Variants in PI4KB observed in about 807,000 individuals in gnomAD.
PI4KB encodes PtdIns 4-kinase beta.
A neutral mutation model predicts 81.4 loss-of-function variants in PI4KB; 23 were observed. The observed-to-expected ratio is 0.28, with a 90% CI of 0.20 to 0.40. The LOEUF (loss-of-function observed/expected upper bound fraction) is 0.40. Among genes scored for constraint, PI4KB ranks in the 10% least tolerant of loss-of-function variants. The pLI, the probability that PI4KB is intolerant of heterozygous loss-of-function variation, is 1.00. For missense variants in PI4KB, 651 were observed against 1,036.6 expected, an observed-to-expected ratio of 0.63 and a Z score of 5.11; for synonymous variants, 381 against 406.8, an observed-to-expected ratio of 0.94 and a Z score of 0.76.
intron 1 of PI4KB, among the ~76,000 whole-genome samples, chr1:151,324,118 T>G (rs1649276106): frequency 6.6e-6 from 1 of 151,902 alleles, no homozygotes; most frequent in Non-Finnish European, 1.5e-5. Context: ...ACCTGGCTAA[T>G]TTTTGTATTT....
At position 151,292,948 on chromosome 1, in the gene PI4KB, C is replaced by G; in HGVS notation, c.2355G>C (p.Leu785=). 6.2e-7 allele frequency: 1 copy of G among 1,614,194 alleles called. No homozygotes were observed. Among genetic ancestry groups the G allele is most frequent in the South Asian group, 1.1e-5 (1 of 91,086 alleles). ...RFHMSMTEEQ[L]QLLVEQMVDG... ...CCACCATCTGCTCCACCAGCAGCTG[C>G]AGCTGCTCCTCAGTCATGCTCATGT... The change falls in exon 12 of 12, where the codon CTG becomes CTC. Residue 785 remains leucine, a synonymous_variant. Transcript: ENST00000368873.
chr1:151,292,604 G>C lies in PI4KB; in HGVS notation c.*248C>G, dbSNP rs962923953. 1 of 522,982 alleles carries C rather than the reference G, an allele frequency of 1.9e-6. No individual in the cohort carries two copies. Among genetic ancestry groups the C allele is most frequent in the East Asian group, 3.3e-5 (1 of 30,160 alleles). 32.4% of individuals were successfully genotyped at this position (522,982 alleles called of 1,614,324 possible). On this transcript the variant is annotated 3_prime_UTR_variant, in exon 12 of 12. Coordinates refer to ENST00000368873, the MANE Select transcript of PI4KB (RefSeq NM_001369623.2). ...TGGAGGGCAGTGAGTCCTGGAGTCA[G>C]TCTGGTGGTAATACTGACACAGACC...
chr1:151,308,484 T>C (rs1695967907), intron 3 of PI4KB, among the ~76,000 whole-genome samples: 1 of 152,184 alleles, frequency 6.6e-6, no homozygotes, highest in Non-Finnish European at 1.5e-5. Flanking sequence ...GGTAGGTAGA[T>C]GGAGAAAGCA....
chr1:151,304,685 T>G (rs1695600069), intron 5 of PI4KB, among the ~76,000 whole-genome samples: 1 of 148,396 alleles, frequency 6.7e-6, no homozygotes, highest in African/African-American at 2.5e-5. Flanking sequence ...AGACAGAGTC[T>G]CACTCTGTCA....
At chr1:151,302,410 G>T in intron 6 of PI4KB, 112 bp from the exon 7 acceptor site, 1 of 737,094 alleles carries the variant, frequency 1.4e-6, no homozygotes, top group Non-Finnish European at 2.4e-6. Context: ...CACAAAGATA[G>T]GAACCCAGGC....
At chr1:151,324,657 G>C (rs1453186728) in intron 1 of PI4KB, 9 of 499,096 alleles carry the variant, frequency 1.8e-5, no homozygotes, top group Non-Finnish European at 2.3e-5. Context: ...CATGGAGCTG[G>C]TATAAGCAGA....
In PI4KB at chr1:151,291,939, G is replaced by A. The variant is rs1387528084; in HGVS notation, c.*913C>T. 1.3e-5 allele frequency: 2 copies of A among 152,278 alleles called. No homozygotes were observed. The highest frequency in any genetic ancestry group is 2.9e-5 in the Non-Finnish European group (2 of 68,046). The allele number at this position is 152,278 out of a possible 1,614,324, so 9.4% of individuals were successfully genotyped here. On this transcript the variant is annotated 3_prime_UTR_variant, in exon 12 of 12. Transcript: ENST00000368873. ...TCTCTTTTTCTGTGACTTGGACAAT[G>A]TGGAGTTGAAGCGGGTGAGAGAACA...
intron 9 of PI4KB, among the ~76,000 whole-genome samples, chr1:151,295,320 T>A (rs1694694402): frequency 6.6e-6 from 1 of 152,202 alleles, no homozygotes; most frequent in Non-Finnish European, 1.5e-5. Flanking sequence ...GGCCACCTTC[T>A]CTGGGGTTGG....
At chr1:151,323,947 C>CA (rs1411720519) in intron 1 of PI4KB, among the ~76,000 whole-genome samples, 4 of 150,866 alleles carry the variant, frequency 2.7e-5, no homozygotes, top group African/African-American at 4.9e-5. Context: ...TGCATTCCTT[C>CA]AAAAAAAAAT....
In PI4KB at chr1:151,315,932, T is replaced by G. The variant is rs747147472; in HGVS notation, c.550A>C (p.Ile184Leu). 2 of 1,613,392 alleles carry G rather than the reference T, an allele frequency of 1.2e-6. No homozygotes were observed. Among genetic ancestry groups the G allele is most frequent in the Non-Finnish European group, 1.7e-6 (2 of 1,179,584 alleles). The change falls in exon 2 of 12, where the codon ATC (isoleucine) becomes CTC (leucine). Residue 184 changes from isoleucine (I) to leucine (L), a missense_variant. Coordinates refer to ENST00000368873, the MANE Select transcript of PI4KB (RefSeq NM_001369623.2). ...TCACCCACGTCCTCATCCATGTGGA[T>G]GTACATGTTAAGCAACTGGGGCAGA... ...FYLPQLLNMYIHMDEDVGDAI... is the reference protein window; with the variant it reads ...FYLPQLLNMYLHMDEDVGDAI...
chr1:151,304,216 G>A (rs983739928), intron 5 of PI4KB, among the ~76,000 whole-genome samples: 3 of 151,834 alleles, frequency 2.0e-5, no homozygotes, highest in African/African-American at 7.3e-5. Context: ...AACTCCATTT[G>A]TCACCTAGTA....
intron 9 of PI4KB, among the ~76,000 whole-genome samples, chr1:151,296,058 CA>C (rs1322362741): frequency 7.2e-5 from 11 of 152,148 alleles, no homozygotes; most frequent in Admixed American, 3.3e-4. Flanking sequence ...CCAGCCTGGC[CA>C]AGATGGTGAA....
intron 8 of PI4KB, among the ~76,000 whole-genome samples, chr1:151,300,382 G>A (rs907353650): frequency 1.3e-5 from 2 of 152,166 alleles, no homozygotes; most frequent in Non-Finnish European, 2.9e-5. Flanking sequence ...GGAGGTGGGC[G>A]GATCACCTGA....
chr1:151,322,926 A>C (rs1030002224), intron 1 of PI4KB, among the ~76,000 whole-genome samples: 2 of 152,122 alleles, frequency 1.3e-5, no homozygotes, highest in African/African-American at 2.4e-5. Context: ...GAGCCACCAC[A>C]ACTAGTCTCC....
intron 2 of PI4KB, 36 bp from the exon 3 acceptor site, chr1:151,310,291 G>T: frequency 7.7e-7 from 1 of 1,294,224 alleles, no homozygotes; most frequent in South Asian, 1.2e-5. Context: ...GAGAAGGAGG[G>T]GGTGGGAAGG....
rs573059953 is a variant in PI4KB, at chr1:151,299,044, A to G, written c.1779T>C (p.Leu593=). Residue 593 remains leucine (L), a synonymous_variant, in exon 9 of 12, where the codon CTT becomes CTC. Coordinates refer to ENST00000368873, the MANE Select transcript of PI4KB (RefSeq NM_001369623.2). ...CAAGAATCTTGTATGGCTTGATCCA[A>G]AGGGGCACTCGCTCCTGTTCCCAAA... ...QSIWEQERVP[L]WIKPYKILVI... is the part of the protein sequence containing the mutation. The G allele has an allele frequency of 6.2e-7, 1 of 1,614,084 alleles. No homozygotes were observed. Among genetic ancestry groups the G allele is most frequent in the Admixed American group, 1.7e-5 (1 of 60,014 alleles).
rs79840956 is a variant in PI4KB at position 151,320,668 on chromosome 1, T to G, written c.-28-4159A>C. Among the ~76,000 whole-genome samples, 346 of 152,278 alleles carry G rather than the reference T, an allele frequency of 2.3e-3. 1 individual carries two copies. Among genetic ancestry groups the G allele is most frequent in the African/African-American group, 7.9e-3 (330 of 41,554 alleles). On this transcript the variant is annotated intron_variant, in intron 1 of 11. Coordinates refer to ENST00000368873, the MANE Select transcript of PI4KB (RefSeq NM_001369623.2). ...GCAACTGTGAGTTGCACAGGAATAA[T>G]AAGAAGGAAGCTTTAATCATTCCCT...
chr1:151,315,213 G>A (rs1454551226), intron 2 of PI4KB, among the ~76,000 whole-genome samples: 4 of 152,040 alleles, frequency 2.6e-5, no homozygotes, highest in Non-Finnish European at 4.4e-5. Flanking sequence ...TCCTGACCTC[G>A]TGATCTGCCT....
In PI4KB at chr1:151,310,252, G is replaced by A. The variant is rs1212416768; in HGVS notation, c.913C>T (p.Leu305Phe). 3.1e-6 allele frequency: 5 copies of A among 1,602,192 alleles called. No individual in the cohort carries two copies. Among genetic ancestry groups the A allele is most frequent in the Non-Finnish European group, 4.3e-6 (5 of 1,174,040 alleles). ...TCAATACTCTCGGTGCTGGAGGAGA[G>A]CTCCTGGGAAAGGGCCAGAGGGCAA... ...NPKVENEDEE[L>F]SSSTESIDNS... The change falls in exon 3 of 12, where the codon CTC becomes TTC. Residue 305 changes from leucine to phenylalanine, a missense_variant. Transcript: ENST00000368873.
Sources: allele counts gnomAD v4.1 joint callset (sites outside exome capture counted in the v4.1 genomes callset), GRCh38; gene constraint gnomAD v4.1.1; transcripts MANE v1.5; gene names NCBI Gene and HGNC (gene_info 2026-07-23, HGNC 2026-07-21).